Variants in TENM3 observed in about 807,000 individuals in gnomAD.
TENM3 encodes teneurin transmembrane protein 3, also known as teneurin-3.
Under a neutral mutation model 255.1 loss-of-function variants are expected in TENM3, and 63 were observed. The observed-to-expected ratio is 0.25, with a 90% CI of 0.20 to 0.30. The LOEUF is 0.30. Among genes scored for constraint, TENM3 ranks in the 10% least tolerant of loss-of-function variants. The probability of loss-of-function intolerance (pLI) is 1.00; values close to 1 mark genes in which losing one functional copy is unlikely to be tolerated. For missense variants in TENM3, 2,929 were observed against 3,461.1 expected (o/e 0.85, Z 3.86); for synonymous variants, 1,306 against 1,322.3 (o/e 0.99, Z 0.27).
At chr4:182,005,666 GC>G in the TENM3 span, among the ~76,000 whole-genome samples, 1 of 152,152 alleles carries the variant, frequency 6.6e-6, no homozygotes, top group East Asian at 1.9e-4. Context: ...GGGCAGTATG[GC>G]CATTTTCATG....
chr4:182,602,085 T>G (rs1161072039), intron 4 of TENM3, among the ~76,000 whole-genome samples: 3 of 152,248 alleles, frequency 2.0e-5, no homozygotes, highest in Non-Finnish European at 4.4e-5. Context: ...ATATAAAATT[T>G]CGCCTTCTTT....
chr4:182,317,984 T>G (rs1762842575), intron 1 of TENM3, among the ~76,000 whole-genome samples: 1 of 152,208 alleles, frequency 6.6e-6, no homozygotes, highest in African/African-American at 2.4e-5. Context: ...CAAAAATTTT[T>G]TGGTACTCTG....
At chr4:182,762,999 C>G (rs35630924) in intron 22 of TENM3, among the ~76,000 whole-genome samples, 27,648 of 152,066 alleles carry the variant, frequency 0.18, 3,247 homozygotes, top group East Asian at 0.57. Context: ...AAGAGAGACC[C>G]CCCACAACTT....
chr4:182,686,023 C>T (rs1177864800), intron 11 of TENM3, among the ~76,000 whole-genome samples: 2 of 151,902 alleles, frequency 1.3e-5, no homozygotes, highest in East Asian at 3.8e-4. Flanking sequence ...TTTTTTCATG[C>T]TACTGTAATT....
chr4:182,679,844 C>A lies in TENM3; in HGVS notation c.1505C>A (p.Ala502Glu). The change falls in exon 8 of 28, where the codon GCA (alanine) becomes GAA (glutamate). Residue 502 changes from alanine to glutamate, a missense_variant. Physicochemically the swap from Ala to Glu is moderately radical, Grantham distance 107. Transcript: ENST00000511685. ...GCTTTTTATAATGATGGGAAAAATG[C>A]AGAGCAGGTGTCTTTTAATACCATT... ...HLAFYNDGKN[A>E]EQVSFNTIVI... 6.2e-7 allele frequency: 1 copy of A among 1,612,658 alleles called. No individual in the cohort carries two copies. Among genetic ancestry groups the A allele is most frequent in the Non-Finnish European group, 8.5e-7 (1 of 1,179,232 alleles).
At chr4:182,738,227 TAAAA>T (rs562633396) in intron 17 of TENM3, among the ~76,000 whole-genome samples, 170 bp from the exon 18 acceptor site, 25 of 151,768 alleles carry the variant, frequency 1.6e-4, no homozygotes, top group Admixed American at 5.3e-4. Flanking sequence ...GATCTTTTTT[TAAAA>T]AAAAATCTTT....
At chr4:181,726,838 C>T in the TENM3 span, among the ~76,000 whole-genome samples, 66 of 152,346 alleles carry the variant, frequency 4.3e-4, no homozygotes, top group Admixed American at 1.8e-3. Context: ...TCTACCTGCA[C>T]TTCTGACCAA....
intron 22 of TENM3, among the ~76,000 whole-genome samples, chr4:182,767,453 G>A (rs140155996): frequency 7.2e-5 from 11 of 152,258 alleles, no homozygotes; most frequent in African/African-American, 2.6e-4. Context: ...TGCGGTAACC[G>A]GTGACAAGAT....
the TENM3 span, among the ~76,000 whole-genome samples, chr4:182,070,687 C>T: frequency 1.3e-5 from 2 of 152,062 alleles, no homozygotes; most frequent in African/African-American, 4.8e-5. Context: ...ACAGATGAGT[C>T]AGTCATACAA....
the TENM3 span, among the ~76,000 whole-genome samples, chr4:181,973,633 T>C: frequency 6.6e-6 from 1 of 152,156 alleles, no homozygotes; most frequent in African/African-American, 2.4e-5. Flanking sequence ...CAGTAATGCA[T>C]GCCTGTAATC....
chr4:182,394,566 A>G (rs998239286), intron 3 of TENM3, among the ~76,000 whole-genome samples: 2 of 152,196 alleles, frequency 1.3e-5, no homozygotes, highest in Non-Finnish European at 2.9e-5. Flanking sequence ...AAAGAGTTCT[A>G]TGTAAGCTCT....
the TENM3 span, among the ~76,000 whole-genome samples, chr4:181,683,125 C>T: frequency 2.6e-5 from 4 of 151,674 alleles, no homozygotes; most frequent in Non-Finnish European, 5.9e-5. Context: ...GAAGTGACAG[C>T]AAATAACATT....
chr4:182,156,273 A>G (rs9994501), intron 1 of TENM3, among the ~76,000 whole-genome samples: 32 of 152,220 alleles, frequency 2.1e-4, no homozygotes, highest in African/African-American at 7.7e-4. Context: ...CTCCAGAACA[A>G]GTGCATTTTT....
the TENM3 span, among the ~76,000 whole-genome samples, chr4:181,811,649 G>A: frequency 2.5e-4 from 38 of 152,282 alleles, no homozygotes; most frequent in Non-Finnish European, 3.7e-4. Context: ...GCAAAAGGGC[G>A]TCTTACATGG....
At chr4:182,554,452 T>C (rs1742382401) in intron 3 of TENM3, among the ~76,000 whole-genome samples, 1 of 152,228 alleles carries the variant, frequency 6.6e-6, no homozygotes, top group African/African-American at 2.4e-5. Flanking sequence ...TACAGTTTTC[T>C]ACATGATAGT....
At chr4:182,373,569 G>A (rs1225411931) in intron 3 of TENM3, among the ~76,000 whole-genome samples, 1 of 152,094 alleles carries the variant, frequency 6.6e-6, no homozygotes, top group African/African-American at 2.4e-5. Context: ...AACTAATAGG[G>A]TGAGAACTCA....
intron 3 of TENM3, among the ~76,000 whole-genome samples, chr4:182,361,081 C>T (rs1295985850): frequency 2.6e-5 from 4 of 152,098 alleles, no homozygotes; most frequent in African/African-American, 7.2e-5. Context: ...GAGTTTCTGC[C>T]GAGAGATCCG....
chr4:182,388,227 T>A (rs897622240), intron 3 of TENM3, among the ~76,000 whole-genome samples: 1 of 152,188 alleles, frequency 6.6e-6, no homozygotes, highest in African/African-American at 2.4e-5. Context: ...AACCAGGAAC[T>A]ACTTCCCACC....
chr4:181,492,397 C>T, the TENM3 span, among the ~76,000 whole-genome samples: 5 of 152,052 alleles, frequency 3.3e-5, no homozygotes, highest in African/African-American at 9.7e-5. Flanking sequence ...GCAATAAATG[C>T]AGATAGTATT....
Sources: allele counts gnomAD v4.1 joint callset (sites outside exome capture counted in the v4.1 genomes callset), GRCh38; gene constraint gnomAD v4.1.1; transcripts MANE v1.5; gene names NCBI Gene and HGNC (gene_info 2026-07-23, HGNC 2026-07-21).